The following ENAH variants were observed in gnomAD, a reference collection of about 807,000 sequenced individuals.
ENAH encodes protein enabled homolog.
ENAH carries 23 observed loss-of-function variants against 78.7 expected under a neutral mutation model. That is an observed-to-expected ratio of 0.29 (90% CI 0.21 to 0.41). The LOEUF (loss-of-function observed/expected upper bound fraction) is 0.41, where lower values mean the gene tolerates loss of function less well. Among genes scored for constraint, ENAH ranks in the 10% least tolerant of loss-of-function variants. The pLI is 1.00. For missense variants in ENAH, 544 were observed against 691.0 expected (o/e 0.79, Z 2.39); for synonymous variants, 226 against 241.0 (o/e 0.94, Z 0.58).
At chr1:225,624,016 C>A (rs1182484982) in intron 1 of ENAH, among the ~76,000 whole-genome samples, 2 of 152,142 alleles carry the variant, frequency 1.3e-5, no homozygotes, top group Non-Finnish European at 2.9e-5. Context: ...TGAGAACATG[C>A]GGTTATTTGG....
At chr1:225,597,480 A>G (rs964841037) in intron 1 of ENAH, among the ~76,000 whole-genome samples, 1 of 151,852 alleles carries the variant, frequency 6.6e-6, no homozygotes, top group Admixed American at 6.6e-5. Context: ...AGTAACATAG[A>G]AAGACTCTGT....
chr1:225,517,091 G>T, intron 6 of ENAH, 105 bp downstream of exon 6: 5 of 858,054 alleles, frequency 5.8e-6, no homozygotes, highest in Non-Finnish European at 8.5e-6. Flanking sequence ...GCATATAAAT[G>T]TTCAAGGATC....
chr1:225,527,424 T>A (rs1211827719), intron 4 of ENAH, among the ~76,000 whole-genome samples: 1 of 152,184 alleles, frequency 6.6e-6, no homozygotes, highest in Non-Finnish European at 1.5e-5. Flanking sequence ...GTGCTATACA[T>A]CCTTCCCGTT....
chr1:225,511,004 G>C (rs185523411), intron 10 of ENAH, among the ~76,000 whole-genome samples: 109 of 152,168 alleles, frequency 7.2e-4, no homozygotes, highest in African/African-American at 2.1e-3. Flanking sequence ...CTGGGCAACA[G>C]AGCAAGACCC....
In ENAH at chr1:225,497,769, G is replaced by C; in HGVS notation, c.*6C>G. Reference sequence around the variant, plus strand: ...TTAAAGTCCTATCTCTCCTTAGTCTGTTCCTCTATGCAGTATTTGACTTGC... The same window carrying C: ...TTAAAGTCCTATCTCTCCTTAGTCTCTTCCTCTATGCAGTATTTGACTTGC... On this transcript the variant is annotated 3_prime_UTR_variant, in exon 14 of 14. Transcript: ENST00000366843. The C allele has an allele frequency of 1.2e-6, 2 of 1,611,010 alleles. No individual in the cohort carries two copies. The highest frequency in any genetic ancestry group is 1.7e-6 in the Non-Finnish European group (2 of 1,178,276).
intron 1 of ENAH, among the ~76,000 whole-genome samples, chr1:225,644,045 T>C (rs1272878036): frequency 1.3e-5 from 2 of 152,146 alleles, no homozygotes; most frequent in Non-Finnish European, 2.9e-5. Flanking sequence ...TTAAATAGTA[T>C]AATCTTACTT....
chr1:225,564,647 C>T (rs1202704545), intron 2 of ENAH, among the ~76,000 whole-genome samples: 2 of 151,798 alleles, frequency 1.3e-5, no homozygotes, highest in African/African-American at 4.8e-5. Flanking sequence ...TTATGTTGAC[C>T]AGGCTGGTCT....
chr1:225,577,668 G>C (rs955045710), intron 1 of ENAH, among the ~76,000 whole-genome samples: 2 of 152,156 alleles, frequency 1.3e-5, no homozygotes, highest in Non-Finnish European at 2.9e-5. Context: ...AACTGATCCA[G>C]ATTCACCAAA....
chr1:225,506,219 T>A (rs1456885422), intron 11 of ENAH, among the ~76,000 whole-genome samples: 1 of 152,138 alleles, frequency 6.6e-6, no homozygotes, highest in Non-Finnish European at 1.5e-5. Flanking sequence ...AAATGACACA[T>A]GACAGGTCTG....
intron 1 of ENAH, among the ~76,000 whole-genome samples, chr1:225,608,779 G>GCACT (rs1247565439): frequency 7.9e-6 from 1 of 126,346 alleles, no homozygotes. Context: ...TCACACCATT[G>GCACT]CACTCCATCC....
At chr1:225,591,330 G>C (rs764406084) in intron 1 of ENAH, among the ~76,000 whole-genome samples, 7 of 151,846 alleles carry the variant, frequency 4.6e-5, no homozygotes, top group Non-Finnish European at 1.0e-4. Context: ...TTAGAAGGGC[G>C]TGGTGGTGAT....
rs562354633 is a variant in ENAH at position 225,652,809 on chromosome 1, C to T, written c.-119G>A. On this transcript the variant is annotated 5_prime_UTR_variant, in exon 1 of 14. Coordinates refer to ENST00000366843, the MANE Select transcript of ENAH (RefSeq NM_018212.6). ...TCGGAGACGGGAGACAAGTGTCCGGCTCCTCCTTCGGCGGCCAGGGGGCTA... is the reference window on the plus strand; with the variant it reads ...TCGGAGACGGGAGACAAGTGTCCGGTTCCTCCTTCGGCGGCCAGGGGGCTA... The T allele has an allele frequency of 1.5e-4, 129 of 872,310 alleles. No homozygotes were observed. In the African/African-American group the frequency reaches 2.2e-3, roughly 15 times the overall value. The allele number at this position is 872,310 out of a possible 1,614,324, so 54.0% of individuals were successfully genotyped here.
chr1:225,629,413 C>T (rs904675233), intron 1 of ENAH, among the ~76,000 whole-genome samples: 1 of 152,030 alleles, frequency 6.6e-6, no homozygotes, highest in Non-Finnish European at 1.5e-5. Flanking sequence ...TGGTGAAACC[C>T]CACCTCTACT....
chr1:225,621,712 T>A (rs12140001), intron 1 of ENAH, among the ~76,000 whole-genome samples: 39,594 of 152,090 alleles, frequency 0.26, 6,092 homozygotes, highest in East Asian at 0.4. Context: ...ATACAAACAT[T>A]TCCCACCTGC....
chr1:225,561,530 G>A (rs1391153085), intron 2 of ENAH, among the ~76,000 whole-genome samples: 3 of 151,280 alleles, frequency 2.0e-5, no homozygotes, highest in African/African-American at 4.9e-5. Flanking sequence ...GCTGAGGCAG[G>A]AGAATCACTT....
At chr1:225,612,312 C>T (rs1388052942) in intron 1 of ENAH, among the ~76,000 whole-genome samples, 1 of 152,154 alleles carries the variant, frequency 6.6e-6, no homozygotes, top group East Asian at 1.9e-4. Context: ...TGCTTAGTCA[C>T]AGAAGCCAGA....
At chr1:225,586,001 C>A (rs2096844235) in intron 1 of ENAH, among the ~76,000 whole-genome samples, 1 of 151,962 alleles carries the variant, frequency 6.6e-6, no homozygotes, top group East Asian at 1.9e-4. Flanking sequence ...ACTGTTTGAG[C>A]CCAGGAGCTT....
chr1:225,644,046 A>C (rs990352282), intron 1 of ENAH, among the ~76,000 whole-genome samples: 3 of 152,160 alleles, frequency 2.0e-5, no homozygotes, highest in African/African-American at 7.2e-5. Flanking sequence ...TAAATAGTAT[A>C]ATCTTACTTT....
chr1:225,500,190 A>G (rs969050223), intron 12 of ENAH, among the ~76,000 whole-genome samples: 2 of 152,224 alleles, frequency 1.3e-5, no homozygotes, highest in South Asian at 4.1e-4. Flanking sequence ...AACTTTTCCA[A>G]TAGCTTTGCA....
Sources: allele counts gnomAD v4.1 joint callset (sites outside exome capture counted in the v4.1 genomes callset), GRCh38; gene constraint gnomAD v4.1.1; transcripts MANE v1.5; gene names NCBI Gene and HGNC (gene_info 2026-07-23, HGNC 2026-07-21).